The following GEMIN8 variants were observed in gnomAD, a reference collection of about 807,000 sequenced individuals.
GEMIN8 encodes gem-associated protein 8.
For synonymous variants in GEMIN8, 80 were observed against 78.5 expected (o/e 1.02, Z -0.10); for missense variants, 185 against 205.9 (o/e 0.90, Z 0.62).
chrX:14,012,889 C>T lies in GEMIN8; in HGVS notation c.473-3720G>A, dbSNP rs1923659490. ...GGGCACCAATGAGTTGGGGTCGGAC[C>T]CTGTTCTCTTACATTCGAATTGCTT... On this transcript the variant is annotated intron_variant, in intron 4 of 4. Transcript: ENST00000680255. 2.7e-5 allele frequency among the ~76,000 whole-genome samples: 3 copies of T among 111,121 alleles called. No individual in the cohort carries two copies. The South Asian group carries it at 1.2e-3, about 43-fold the overall frequency.
chrX:14,019,516 C>T (rs946272760), intron 4 of GEMIN8, among the ~76,000 whole-genome samples: 7 of 111,639 alleles, frequency 6.3e-5, no homozygotes, highest in Non-Finnish European at 1.3e-4. Context: ...GATTTGGGAC[C>T]TCTAGCACCA....
At chrX:14,023,659 G>A (rs1306069615) in intron 2 of GEMIN8, among the ~76,000 whole-genome samples, 1 of 112,281 alleles carries the variant, frequency 8.9e-6, no homozygotes, top group African/African-American at 3.2e-5. Flanking sequence ...TTACAGGCGT[G>A]AGCCACCGTG....
the GEMIN8 span, among the ~76,000 whole-genome samples, chrX:13,991,890 C>T: frequency 8.9e-6 from 1 of 112,221 alleles, no homozygotes; most frequent in South Asian, 3.7e-4. Flanking sequence ...TGAGCCTAAT[C>T]CCTATTGACT....
At chrX:13,999,262 T>C in the GEMIN8 span, among the ~76,000 whole-genome samples, 1 of 104,345 alleles carries the variant, frequency 9.6e-6, no homozygotes, top group Non-Finnish European at 2.0e-5. Context: ...AGCTACGGGC[T>C]GTATGTAGAT....
chrX:13,990,589 C>T, the GEMIN8 span, among the ~76,000 whole-genome samples: 1 of 112,673 alleles, frequency 8.9e-6, no homozygotes, highest in Non-Finnish European at 1.9e-5. Context: ...TCCTGACCCC[C>T]AGGCTGCTCT....
chrX:13,986,481 T>C, the GEMIN8 span, among the ~76,000 whole-genome samples: 1 of 112,558 alleles, frequency 8.9e-6, no homozygotes, highest in Non-Finnish European at 1.9e-5. Context: ...CACACTCTTC[T>C]CGTCTCAATG....
At chrX:13,984,966 G>T in the GEMIN8 span, among the ~76,000 whole-genome samples, 1 of 111,427 alleles carries the variant, frequency 9.0e-6, no homozygotes, top group Non-Finnish European at 1.9e-5. Context: ...CAAAAAGATG[G>T]TGACAGGCAG....
At chrX:14,020,041 G>T in intron 4 of GEMIN8, 37 bp downstream of exon 4, 1 of 823,999 alleles carries the variant, frequency 1.2e-6, no homozygotes, top group Non-Finnish European at 1.8e-6. Flanking sequence ...GGCAGGGCAA[G>T]GAAAGGAAGC....
rs759175500 is a variant in GEMIN8 at position 14,008,678 on chromosome X, T to C, written c.*235A>G. 6 of 417,028 alleles carry C rather than the reference T, an allele frequency of 1.4e-5. No homozygotes were observed. In the African/African-American group the frequency reaches 1.5e-4, roughly 10 times the overall value. The allele number at this position is 417,028 out of a possible 1,213,427, so 34.4% of individuals were successfully genotyped here. A position where few individuals can be genotyped will look rare whatever the true frequency, so the allele number is the denominator to read the frequency against. Reference sequence around the variant, plus strand: ...CAACATAAAAAACCAGTATAGTATATGCAAAATTATTTTATGTCAGGAGAA... The same window carrying C: ...CAACATAAAAAACCAGTATAGTATACGCAAAATTATTTTATGTCAGGAGAA... On this transcript the variant is annotated 3_prime_UTR_variant, in exon 5 of 5. Transcript: ENST00000680255.
At chrX:14,012,982 G>T (rs1923665630) in intron 4 of GEMIN8, among the ~76,000 whole-genome samples, 1 of 112,082 alleles carries the variant, frequency 8.9e-6, no homozygotes, top group Non-Finnish European at 1.9e-5. Flanking sequence ...AAACCAGTCA[G>T]TTTAAAACCA....
intron 4 of GEMIN8, among the ~76,000 whole-genome samples, chrX:14,012,856 A>AT (rs1301510276): frequency 3.2e-5 from 3 of 92,539 alleles, no homozygotes; most frequent in Middle Eastern, 5.1e-3. Context: ...CAGAGGGGCT[A>AT]TGGGGGGGGG....
Position 14,009,184 on chromosome X carries a change from G to C in GEMIN8, c.473-15C>G. ...CTGCTGCCGCCCTGAGAACAAACACGAACGTGAACATGAACATAAACACAC... is the reference window on the plus strand; with the variant it reads ...CTGCTGCCGCCCTGAGAACAAACACCAACGTGAACATGAACATAAACACAC... On this transcript the variant is annotated splice_polypyrimidine_tract_variant and intron_variant, in intron 4 of 4. Transcript: ENST00000680255. 1 of 1,207,677 alleles carries C rather than the reference G, an allele frequency of 8.3e-7. No homozygotes were observed. Among genetic ancestry groups the C allele is most frequent in the Non-Finnish European group, 1.1e-6 (1 of 892,370 alleles).
the GEMIN8 span, among the ~76,000 whole-genome samples, chrX:13,999,752 C>T: frequency 9.0e-6 from 1 of 111,520 alleles, no homozygotes; most frequent in Non-Finnish European, 1.9e-5. Context: ...TTGTCAAATG[C>T]CCCTCAATTT....
the GEMIN8 span, among the ~76,000 whole-genome samples, chrX:13,999,982 G>C: frequency 9.0e-6 from 1 of 111,543 alleles, no homozygotes; most frequent in South Asian, 3.8e-4. Context: ...TTGTTTGGAA[G>C]TGAGTCACTA....
intron 2 of GEMIN8, among the ~76,000 whole-genome samples, chrX:14,025,327 C>A (rs1924622959): frequency 9.5e-6 from 1 of 105,762 alleles, no homozygotes; most frequent in African/African-American, 3.4e-5. Flanking sequence ...TCTTCACGTT[C>A]TTTGCTTTAA....
the GEMIN8 span, among the ~76,000 whole-genome samples, chrX:13,984,914 T>C: frequency 9.0e-6 from 1 of 111,427 alleles, no homozygotes; most frequent in Non-Finnish European, 1.9e-5. Flanking sequence ...CAGTCATTGG[T>C]TGAGGAATGC....
the GEMIN8 span, among the ~76,000 whole-genome samples, chrX:13,986,219 A>T: frequency 2.7e-5 from 3 of 112,406 alleles, no homozygotes; most frequent in African/African-American, 9.7e-5. Context: ...GCTGGGAGTC[A>T]ATGATGGGTG....
At chrX:14,011,965 C>T (rs886491938) in intron 4 of GEMIN8, among the ~76,000 whole-genome samples, 1 of 111,253 alleles carries the variant, frequency 9.0e-6, no homozygotes, top group African/African-American at 3.3e-5. Context: ...GTTAATGATG[C>T]TGGTACAATT....
At chrX:14,006,276 A>T (rs1335621340), downstream of GEMIN8, among the ~76,000 whole-genome samples, 4 of 110,578 alleles carry the variant, frequency 3.6e-5, no homozygotes, top group African/African-American at 1.3e-4. Context: ...CGATCCGCCC[A>T]CCTTGGCCTC....
Sources: gnomAD v4.1 joint callset for allele counts (sites outside exome capture counted in the v4.1 genomes callset) on GRCh38, gnomAD v4.1.1 for gene constraint, MANE v1.5 for transcripts, NCBI Gene and HGNC (gene_info 2026-07-23, HGNC 2026-07-21) for gene names.